PAFAH1B1: variants seen among roughly 807,000 people sequenced by gnomAD.
The protein encoded by PAFAH1B1 is platelet-activating factor acetylhydrolase IB subunit beta.
In PAFAH1B1, 2 loss-of-function variants were observed where a neutral mutation model predicts 57.5. The ratio of observed to expected loss-of-function variants is 0.03; its 90% CI spans 0.01 to 0.11. PAFAH1B1 has a LOEUF of 0.11. PAFAH1B1 is among the 10% of genes least tolerant of loss of function. The pLI, the probability that PAFAH1B1 is intolerant of heterozygous loss-of-function variation, is 1.00. For missense variants in PAFAH1B1, 257 were observed against 512.0 expected (o/e 0.50, Z 4.81); for synonymous variants, 152 against 169.6 (o/e 0.90, Z 0.81).
chr17:2,677,184 T>C (rs991605681), intron 9 of PAFAH1B1, among the ~76,000 whole-genome samples: 8 of 152,100 alleles, frequency 5.3e-5, no homozygotes, highest in African/African-American at 1.7e-4. Context: ...ATGTGTAATA[T>C]CTCTTACGGA....
intron 1 of PAFAH1B1, among the ~76,000 whole-genome samples, chr17:2,612,997 T>C (rs1031144945): frequency 6.6e-6 from 1 of 151,752 alleles, no homozygotes; most frequent in African/African-American, 2.4e-5. Context: ...ATAAAATGTT[T>C]TGTAAAATAA....
In PAFAH1B1 at chr17:2,681,739, G is replaced by A. The variant is rs1246174706; in HGVS notation, c.1170G>A (p.Lys390=). ...TTCTTTTTCTTTCAGATTTCCACAA[G>A]ACGGCACCCTATGTCGTCACTGGCA... is the stretch of plus-strand genomic sequence containing the variant. ...EHFVTSLDFH[K]TAPYVVTGSV... Residue 390 remains lysine, a synonymous_variant, in exon 11 of 11, where the codon AAG becomes AAA. Transcript: ENST00000397195. 6.2e-7 allele frequency: 1 copy of A among 1,613,058 alleles called. No individual in the cohort carries two copies.
intron 2 of PAFAH1B1, among the ~76,000 whole-genome samples, chr17:2,664,129 G>C (rs184768397): frequency 6.6e-6 from 1 of 152,304 alleles, no homozygotes; most frequent in Non-Finnish European, 1.5e-5. Flanking sequence ...TAATTACCTG[G>C]AACATAAAGT....
At chr17:2,611,240 C>G (rs1321737123) in intron 1 of PAFAH1B1, among the ~76,000 whole-genome samples, 1 of 152,036 alleles carries the variant, frequency 6.6e-6, no homozygotes, top group African/African-American at 2.4e-5. Flanking sequence ...GAGACTGAGG[C>G]AGGCGGATCA....
rs761868887 is a variant in PAFAH1B1 at position 2,680,268 on chromosome 17, C to A, written c.1107C>A (p.Asn369Lys). The A allele has an allele frequency of 6.2e-7, 1 of 1,614,086 alleles. No individual in the cohort carries two copies. The highest frequency in any genetic ancestry group is 8.5e-7 in the Non-Finnish European group (1 of 1,179,956). The change falls in exon 10 of 11, where the codon AAC (asparagine) becomes AAA (lysine). Residue 369 changes from asparagine to lysine, a missense_variant. By Grantham distance (94) the Asn-to-Lys change is moderately conservative. Coordinates refer to ENST00000397195, the MANE Select transcript of PAFAH1B1 (RefSeq NM_000430.4). ...DKTLRVWDYK[N>K]KRCMKTLNAH... ...CCCTACGCGTATGGGATTACAAGAA[C>A]AAGCGATGCATGAAGACCCTCAATG... is the stretch of plus-strand genomic sequence containing the variant.
At chr17:2,623,926 C>T (rs551841836) in intron 1 of PAFAH1B1, among the ~76,000 whole-genome samples, 1 of 152,224 alleles carries the variant, frequency 6.6e-6, no homozygotes, top group Non-Finnish European at 1.5e-5. Flanking sequence ...AGGCGTGAGC[C>T]ACTGCCCCTG....
Position 2,670,212 on chromosome 17 carries a change from C to T in PAFAH1B1, c.449C>T (p.Thr150Ile), listed in dbSNP as rs1174082142. Reference protein sequence around the residue: ...GDFERTLKGHTDSVQDISFDH... With the variant: ...GDFERTLKGHIDSVQDISFDH... ...TTTGAACGAACTCTTAAAGGACATA[C>T]AGACTCTGTACAGGACATTTCATTC... The change falls in exon 6 of 11, where the codon ACA becomes ATA. Residue 150 changes from threonine to isoleucine, a missense_variant. By Grantham distance (89) the Thr-to-Ile change is moderately conservative. Coordinates refer to ENST00000397195, the MANE Select transcript of PAFAH1B1 (RefSeq NM_000430.4). 15 of 1,614,042 alleles carry T rather than the reference C, an allele frequency of 9.3e-6. No homozygotes were observed. Among genetic ancestry groups the T allele is most frequent in the South Asian group, 2.2e-5 (2 of 91,080 alleles).
chr17:2,596,324 C>G (rs1372679182), intron 1 of PAFAH1B1, among the ~76,000 whole-genome samples: 1 of 152,026 alleles, frequency 6.6e-6, no homozygotes, highest in Non-Finnish European at 1.5e-5. Flanking sequence ...CTGCAATAAT[C>G]TAAGAAAAAT....
intron 5 of PAFAH1B1, among the ~76,000 whole-genome samples, chr17:2,668,064 C>T (rs1321728015): frequency 1.3e-5 from 2 of 152,014 alleles, no homozygotes; most frequent in Admixed American, 1.3e-4. Context: ...GTGGCTCACG[C>T]CTGTAATCCC....
chr17:2,665,326 A>G, intron 2 of PAFAH1B1, 46 bp from the exon 3 acceptor site: 2 of 1,008,768 alleles, frequency 2.0e-6, no homozygotes, highest in Non-Finnish European at 3.2e-6. Flanking sequence ...TCTTCAGAAT[A>G]GAAATGAGGT....
chr17:2,672,416 G>C (rs968924221), intron 6 of PAFAH1B1, among the ~76,000 whole-genome samples: 1 of 149,818 alleles, frequency 6.7e-6, no homozygotes, highest in Non-Finnish European at 1.5e-5. Flanking sequence ...TAAACCATTT[G>C]TACAGGTTGA....
chr17:2,595,624 ATAAT>A (rs972219610), intron 1 of PAFAH1B1, among the ~76,000 whole-genome samples: 1 of 152,154 alleles, frequency 6.6e-6, no homozygotes, highest in Non-Finnish European at 1.5e-5. Context: ...GTTTCACAAA[ATAAT>A]TAGCAGTTGC....
chr17:2,673,778 T>A, intron 7 of PAFAH1B1: 1 of 414,032 alleles, frequency 2.4e-6, no homozygotes, highest in Non-Finnish European at 4.5e-6. Context: ...ATAGCTTTTT[T>A]CCAATATGGC....
rs1361236733 is a variant in PAFAH1B1, at chr17:2,674,257, A to G, written c.869A>G (p.Tyr290Cys). The change falls in exon 8 of 11, where the codon TAT (tyrosine) becomes TGT (cysteine). Residue 290 changes from tyrosine (Y) to cysteine (C), a missense_variant. By Grantham distance (194) the Tyr-to-Cys change is radical. Coordinates refer to ENST00000397195, the MANE Select transcript of PAFAH1B1 (RefSeq NM_000430.4). ...ATTTCCTGGGCTCCAGAAAGCTCAT[A>G]TTCCTCCATCTCTGAAGCAACAGGA... ...ECISWAPESS[Y>C]SSISEATGSE... 7.4e-6 allele frequency: 12 copies of G among 1,613,840 alleles called. No homozygotes were observed. The East Asian group carries it at 2.2e-4, about 30-fold the overall frequency.
chr17:2,603,652 T>TAC (rs201916049), intron 1 of PAFAH1B1, among the ~76,000 whole-genome samples: 1 of 151,564 alleles, frequency 6.6e-6, no homozygotes, highest in Non-Finnish European at 1.5e-5. Context: ...TATATATGTA[T>TAC]ACACACACAC....
chr17:2,594,039 G>T lies in PAFAH1B1; in HGVS notation c.-191+33G>T, dbSNP rs2068054475. On this transcript the variant is annotated intron_variant, in intron 1 of 10. Coordinates refer to ENST00000397195, the MANE Select transcript of PAFAH1B1 (RefSeq NM_000430.4). ...GGCGCGGGTCTGCGCCCTCCCCTCTGTCTCCTCCACCGCGCCCGGGCGGCT... is the reference window on the plus strand; with the variant it reads ...GGCGCGGGTCTGCGCCCTCCCCTCTTTCTCCTCCACCGCGCCCGGGCGGCT... 5 of 398,164 alleles carry T rather than the reference G, an allele frequency of 1.3e-5. No individual in the cohort carries two copies. The South Asian group carries it at 6.4e-4, about 51-fold the overall frequency. 24.7% of individuals were successfully genotyped at this position (398,164 alleles called of 1,614,324 possible). A position where few individuals can be genotyped will look rare whatever the true frequency, so the allele number is the denominator to read the frequency against.
intron 1 of PAFAH1B1, among the ~76,000 whole-genome samples, chr17:2,634,126 TTAG>T (rs1184488285): frequency 6.6e-6 from 1 of 151,888 alleles, no homozygotes; most frequent in African/African-American, 2.4e-5. Flanking sequence ...CCTGTTCAAT[TTAG>T]TTTAGTTTTT....
chr17:2,602,548 C>A (rs2068157049), intron 1 of PAFAH1B1, among the ~76,000 whole-genome samples: 1 of 152,162 alleles, frequency 6.6e-6, no homozygotes, highest in East Asian at 1.9e-4. Flanking sequence ...TCCATACTTA[C>A]CATTACTACT....
intron 1 of PAFAH1B1, among the ~76,000 whole-genome samples, chr17:2,597,781 AGTGT>A (rs142241253): frequency 1.1e-4 from 17 of 150,966 alleles, no homozygotes; most frequent in South Asian, 4.2e-4. Context: ...AGAGACAGAA[AGTGT>A]GTGTGTGTGT....
Sources: gnomAD v4.1 joint callset for allele counts (sites outside exome capture counted in the v4.1 genomes callset) on GRCh38, gnomAD v4.1.1 for gene constraint, MANE v1.5 for transcripts, NCBI Gene and HGNC (gene_info 2026-07-23, HGNC 2026-07-21) for gene names.